KIAA0232: variants seen among roughly 807,000 people sequenced by gnomAD.
KIAA0232 encodes KIAA0232.
A neutral mutation model predicts 122.0 loss-of-function variants in KIAA0232; 27 were observed. That is an observed-to-expected ratio of 0.22 (90% CI 0.16 to 0.31). The LOEUF is 0.31. Ranked by LOEUF, KIAA0232 falls within the 10% of genes least tolerant of loss-of-function variation. The probability of loss-of-function intolerance (pLI) is 1.00; values close to 1 mark genes in which losing one functional copy is unlikely to be tolerated. For missense variants in KIAA0232, 1,551 were observed against 1,634.2 expected (o/e 0.95, Z 0.88); for synonymous variants, 613 against 587.6 (o/e 1.04, Z -0.63).
At chr4:6,848,065 A>G (rs1462338834) in intron 4 of KIAA0232, among the ~76,000 whole-genome samples, 2 of 152,184 alleles carry the variant, frequency 1.3e-5, no homozygotes, top group Non-Finnish European at 2.9e-5. Flanking sequence ...AGGTAACAGC[A>G]CTGCAGCTTA....
intron 7 of KIAA0232, chr4:6,866,347 T>C (rs1721181608): frequency 2.6e-6 from 1 of 387,616 alleles, no homozygotes; most frequent in East Asian, 1.6e-4. Context: ...AGAGGACATT[T>C]TGGGATTGTC....
At chr4:6,820,644 T>C (rs1718377771) in intron 2 of KIAA0232, among the ~76,000 whole-genome samples, 1 of 151,994 alleles carries the variant, frequency 6.6e-6, no homozygotes, top group South Asian at 2.1e-4. Context: ...ATGTATGTTA[T>C]TAAATAAAAG....
intron 2 of KIAA0232, among the ~76,000 whole-genome samples, chr4:6,805,752 T>C (rs934361102): frequency 6.6e-6 from 1 of 152,220 alleles, no homozygotes; most frequent in African/African-American, 2.4e-5. Flanking sequence ...GGTTTCATCA[T>C]GTTGGAGCTT....
chr4:6,789,335 G>A (rs1441611750), intron 1 of KIAA0232, among the ~76,000 whole-genome samples: 10 of 148,522 alleles, frequency 6.7e-5, no homozygotes, highest in Admixed American at 6.8e-5. Context: ...GTATAGTGGC[G>A]TGATCTTGGC....
chr4:6,802,252 C>T (rs1717415459), intron 1 of KIAA0232, among the ~76,000 whole-genome samples: 1 of 152,114 alleles, frequency 6.6e-6, no homozygotes, highest in Non-Finnish European at 1.5e-5. Flanking sequence ...GGTAGCCAGG[C>T]CTGTACGCTC....
At chr4:6,783,097 G>A (rs1384132697) in intron 1 of KIAA0232, among the ~76,000 whole-genome samples, 1 of 151,214 alleles carries the variant, frequency 6.6e-6, no homozygotes, top group Non-Finnish European at 1.5e-5. Context: ...CCGCCGCCGG[G>A]GGCTCCGGGG....
intron 3 of KIAA0232, among the ~76,000 whole-genome samples, chr4:6,840,588 A>G (rs1470369483): frequency 1.3e-5 from 2 of 152,226 alleles, no homozygotes; most frequent in Non-Finnish European, 1.5e-5. Context: ...AGTACCTGAT[A>G]ATAGACTCTC....
chr4:6,786,122 T>G (rs1716609156), intron 1 of KIAA0232, among the ~76,000 whole-genome samples: 1 of 152,216 alleles, frequency 6.6e-6, no homozygotes, highest in South Asian at 2.1e-4. Flanking sequence ...GTGGTGTCTA[T>G]CCTATCATTT....
In KIAA0232 at chr4:6,824,639, C is replaced by T. The variant is rs377699002; in HGVS notation, c.186C>T (p.Leu62=). The change falls in exon 3 of 10, where the codon CTC becomes CTT. Residue 62 remains leucine, a synonymous_variant. Coordinates refer to ENST00000307659, the MANE Select transcript of KIAA0232 (RefSeq NM_014743.3). ...CCATGATTTACACTCGGTATGTCCT[C>T]AGTCTTCTGCTGCATGACAGCTATG... ...IDAMIYTRYV[L]SLLLHDSYDY... The T allele has an allele frequency of 8.1e-6, 13 of 1,614,078 alleles. No homozygotes were observed. The highest frequency in any genetic ancestry group is 1.6e-4 in the Middle Eastern group (1 of 6,082).
At chr4:6,785,541 C>G (rs572822482) in intron 1 of KIAA0232, among the ~76,000 whole-genome samples, 2 of 152,326 alleles carry the variant, frequency 1.3e-5, no homozygotes, top group South Asian at 2.1e-4. Context: ...GACTCAAACC[C>G]TTTAAAAATA....
intron 1 of KIAA0232, among the ~76,000 whole-genome samples, chr4:6,787,537 C>T (rs1716682148): frequency 6.6e-6 from 1 of 152,166 alleles, no homozygotes. Flanking sequence ...GCATTTTTGT[C>T]CTACTTGTTA....
chr4:6,868,012 TG>T (rs1202714268), intron 7 of KIAA0232, among the ~76,000 whole-genome samples: 1 of 152,220 alleles, frequency 6.6e-6, no homozygotes, highest in African/African-American at 2.4e-5. Context: ...ACAAGGTACA[TG>T]GAAGTCTTGC....
chr4:6,838,705 C>G (rs1719481863), intron 3 of KIAA0232, among the ~76,000 whole-genome samples: 1 of 145,576 alleles, frequency 6.9e-6, no homozygotes, highest in Non-Finnish European at 1.5e-5. Flanking sequence ...TGGGGTGGAA[C>G]TGACTTGTAC....
At chr4:6,856,184 T>C (rs968207738) in intron 4 of KIAA0232, among the ~76,000 whole-genome samples, 2 of 152,156 alleles carry the variant, frequency 1.3e-5, no homozygotes, top group Non-Finnish European at 2.9e-5. Flanking sequence ...TTGAGTTAAG[T>C]GAATGGGGTA....
chr4:6,836,615 G>A (rs1276330237), intron 3 of KIAA0232, among the ~76,000 whole-genome samples: 3 of 147,916 alleles, frequency 2.0e-5, no homozygotes, highest in East Asian at 2.0e-4. Context: ...TGGCAGGGTC[G>A]TAGGACAATA....
intron 2 of KIAA0232, among the ~76,000 whole-genome samples, chr4:6,819,289 G>A (rs775251849): frequency 9.9e-5 from 15 of 152,100 alleles, no homozygotes; most frequent in Non-Finnish European, 1.9e-4. Flanking sequence ...ACGGTGTACA[G>A]TATTAATAGA....
chr4:6,798,884 C>T (rs540400438), intron 1 of KIAA0232, among the ~76,000 whole-genome samples: 7 of 152,176 alleles, frequency 4.6e-5, no homozygotes, highest in Non-Finnish European at 8.8e-5. Context: ...AAAAGTTGCA[C>T]GAGAAGAAAT....
chr4:6,834,159 A>G (rs1719141129), intron 3 of KIAA0232, among the ~76,000 whole-genome samples: 1 of 152,130 alleles, frequency 6.6e-6, no homozygotes, highest in Non-Finnish European at 1.5e-5. Context: ...TGTTTCTCAG[A>G]GCTCACTGAG....
chr4:6,836,419 T>TC (rs1719274315), intron 3 of KIAA0232, among the ~76,000 whole-genome samples: 1 of 151,608 alleles, frequency 6.6e-6, no homozygotes, highest in Admixed American at 6.6e-5. Flanking sequence ...CCTAACACTT[T>TC]CCCCCCATTT....
Sources: allele counts gnomAD v4.1 joint callset (sites outside exome capture counted in the v4.1 genomes callset), GRCh38; gene constraint gnomAD v4.1.1; transcripts MANE v1.5; gene names NCBI Gene and HGNC (gene_info 2026-07-23, HGNC 2026-07-21).